Variants in RYR3 observed in about 807,000 individuals in gnomAD.
The protein encoded by RYR3 is ryanodine receptor 3, also known as brain ryanodine receptor-calcium release channel.
RYR3 carries 207 observed loss-of-function variants against 584.3 expected under a neutral mutation model. The observed-to-expected ratio is 0.35, with a 90% CI of 0.32 to 0.40. The LOEUF (loss-of-function observed/expected upper bound fraction) is 0.40. RYR3 is among the 10% of genes least tolerant of loss of function. RYR3 has a pLI of 1.00. For synonymous variants in RYR3, 2,416 were observed against 2,248.5 expected (o/e 1.07, Z -2.11); for missense variants, 5,616 against 6,089.2 (o/e 0.92, Z 2.59).
intron 4 of RYR3, among the ~76,000 whole-genome samples, chr15:33,532,457 G>C (rs1273802021): frequency 6.6e-6 from 1 of 152,080 alleles, no homozygotes; most frequent in African/African-American, 2.4e-5. Context: ...TTTCATTTTT[G>C]TGTAATTCCT....
In RYR3 at chr15:33,530,657, C is replaced by T; in HGVS notation, c.345C>T (p.Phe115=). The change falls in exon 4 of 104, where the codon TTC becomes TTT. Residue 115 remains phenylalanine, a synonymous_variant. Transcript: ENST00000634891. ...ATGCAGTTCTCCTGAGGCACTCTTT[C>T]AGCGGAATGGTAAGCAGCTCTGGTG... ...YGHAVLLRHS[F]SGMYLTCLTT... 1 of 1,612,896 alleles carries T rather than the reference C, an allele frequency of 6.2e-7. No homozygotes were observed. Among genetic ancestry groups the T allele is most frequent in the South Asian group, 1.1e-5 (1 of 90,998 alleles).
chr15:33,755,491 G>C (rs539794156), intron 58 of RYR3, among the ~76,000 whole-genome samples: 3 of 152,102 alleles, frequency 2.0e-5, no homozygotes, highest in Non-Finnish European at 2.9e-5. Flanking sequence ...GTGTGGTGGT[G>C]CACGCCTGTA....
At position 33,726,373 on chromosome 15, in the gene RYR3, C is replaced by A; in HGVS notation, c.6913-13C>A. 6.2e-7 allele frequency: 1 copy of A among 1,612,856 alleles called. No individual in the cohort carries two copies. The highest frequency in any genetic ancestry group is 8.5e-7 in the Non-Finnish European group (1 of 1,179,500). On this transcript the variant is annotated splice_polypyrimidine_tract_variant and intron_variant, in intron 45 of 103. Transcript: ENST00000634891. ...CTCACTTATCTAATGTCATTCTCAACCCTATCTTCCAGCTCATCCAGACAG... is the reference window on the plus strand; with the variant it reads ...CTCACTTATCTAATGTCATTCTCAAACCTATCTTCCAGCTCATCCAGACAG...
At chr15:33,477,970 C>T (rs1031546403) in intron 2 of RYR3, among the ~76,000 whole-genome samples, 4 of 148,932 alleles carry the variant, frequency 2.7e-5, no homozygotes, top group Non-Finnish European at 4.4e-5. Flanking sequence ...TTCATTTTAT[C>T]GATAGCAAAT....
intron 2 of RYR3, among the ~76,000 whole-genome samples, chr15:33,500,282 G>C (rs1221482287): frequency 6.6e-6 from 1 of 152,188 alleles, no homozygotes; most frequent in East Asian, 1.9e-4. Context: ...ATTTCCCTGA[G>C]GGCTTGGCTA....
At chr15:33,337,468 G>GA (rs1393512916) in intron 1 of RYR3, among the ~76,000 whole-genome samples, 1 of 152,022 alleles carries the variant, frequency 6.6e-6, no homozygotes, top group African/African-American at 2.4e-5. Flanking sequence ...GGATATAGAA[G>GA]AAACACTCCC....
chr15:33,357,402 C>T (rs149331621), intron 1 of RYR3, among the ~76,000 whole-genome samples: 117 of 152,272 alleles, frequency 7.7e-4, no homozygotes, highest in African/African-American at 2.7e-3. Flanking sequence ...GTATCACTCT[C>T]CTCTCTAGTG....
intron 42 of RYR3, 83 bp from the exon 43 acceptor site, chr15:33,706,836 C>A: frequency 7.4e-7 from 1 of 1,357,294 alleles, no homozygotes; most frequent in Non-Finnish European, 1.0e-6. Flanking sequence ...CATCCTCAAC[C>A]AACACTTGTT....
intron 94 of RYR3, among the ~76,000 whole-genome samples, chr15:33,848,826 CTTTTTTTTTTTT>C (rs769204969): frequency 6.6e-5 from 5 of 75,250 alleles, no homozygotes; most frequent in Admixed American, 3.0e-4. Flanking sequence ...CTGAAGTCCT[CTTTTTTTTTTTT>C]TTTTTTTTTT....
intron 42 of RYR3, 78 bp from the exon 43 acceptor site, chr15:33,706,841 C>CTTGT: frequency 7.2e-7 from 1 of 1,386,662 alleles, no homozygotes; most frequent in Non-Finnish European, 9.9e-7. Context: ...TCAACCAACA[C>CTTGT]TTGTTATTTT....
chr15:33,750,844 G>A (rs894898149), intron 57 of RYR3, among the ~76,000 whole-genome samples: 8 of 152,080 alleles, frequency 5.3e-5, no homozygotes. Context: ...TCTACATTTG[G>A]TATTTCTCCT....
chr15:33,374,359 A>AGTGTGT (rs1454263422), intron 1 of RYR3, among the ~76,000 whole-genome samples: 3 of 128,552 alleles, frequency 2.3e-5, no homozygotes, highest in Non-Finnish European at 4.9e-5. Flanking sequence ...TTCCTGTACG[A>AGTGTGT]GTGTATGTGT....
At chr15:33,777,368 A>G (rs1320776366) in intron 64 of RYR3, among the ~76,000 whole-genome samples, 4 of 152,140 alleles carry the variant, frequency 2.6e-5, no homozygotes, top group Non-Finnish European at 5.9e-5. Flanking sequence ...GCCTAGCTCA[A>G]TCCCTCCTTG....
intron 77 of RYR3, 61 bp downstream of exon 77, chr15:33,819,868 G>T: frequency 2.2e-6 from 3 of 1,357,726 alleles, no homozygotes; most frequent in South Asian, 2.7e-5. Context: ...ATTTCTTTAG[G>T]CGCATGAAAA....
At chr15:33,674,512 A>G (rs1222010928) in intron 38 of RYR3, among the ~76,000 whole-genome samples, 1 of 152,182 alleles carries the variant, frequency 6.6e-6, no homozygotes, top group African/African-American at 2.4e-5. Context: ...TGCAGGGAAC[A>G]TGTCGTACTT....
chr15:33,395,759 G>A (rs145738268), intron 1 of RYR3, among the ~76,000 whole-genome samples: 1 of 152,320 alleles, frequency 6.6e-6, no homozygotes, highest in Non-Finnish European at 1.5e-5. Context: ...GATTAGCTGA[G>A]TGATTTATCT....
At chr15:33,459,468 T>G (rs1034275792) in intron 1 of RYR3, among the ~76,000 whole-genome samples, 6 of 152,036 alleles carry the variant, frequency 3.9e-5, no homozygotes, top group Admixed American at 1.3e-4. Context: ...GACCAAATAG[T>G]CAAACCCGGG....
At chr15:33,406,882 G>T (rs558667553) in intron 1 of RYR3, among the ~76,000 whole-genome samples, 3 of 151,188 alleles carry the variant, frequency 2.0e-5, no homozygotes, top group Admixed American at 1.3e-4. Context: ...CAAGAAAGGG[G>T]ATATCTTATT....
chr15:33,590,640 G>T (rs1447502850), intron 16 of RYR3, among the ~76,000 whole-genome samples: 2 of 144,976 alleles, frequency 1.4e-5, no homozygotes, highest in African/African-American at 2.5e-5. Flanking sequence ...TTTTCATAGG[G>T]TTTTTTTTTT....
Sources: gnomAD v4.1 joint callset for allele counts (sites outside exome capture counted in the v4.1 genomes callset) on GRCh38, gnomAD v4.1.1 for gene constraint, MANE v1.5 for transcripts, NCBI Gene and HGNC (gene_info 2026-07-23, HGNC 2026-07-21) for gene names.